MAPKAPK2: variants seen among roughly 807,000 people sequenced by gnomAD.
MAPKAPK2 encodes the protein MAP kinase-activated protein kinase 2.
Under a neutral mutation model 48.8 loss-of-function variants are expected in MAPKAPK2, and 9 were observed. The ratio of observed to expected loss-of-function variants is 0.18; its 90% CI spans 0.11 to 0.32. The LOEUF is 0.32. Ranked by LOEUF, MAPKAPK2 falls within the 10% of genes least tolerant of loss-of-function variation. The probability of loss-of-function intolerance (pLI) is 1.00; values close to 1 mark genes in which losing one functional copy is unlikely to be tolerated. For missense variants in MAPKAPK2, 331 were observed against 498.3 expected, an observed-to-expected ratio of 0.66 and a Z score of 3.20; for synonymous variants, 202 against 190.6, an observed-to-expected ratio of 1.06 and a Z score of -0.49.
In MAPKAPK2 at chr1:206,732,584, A is replaced by G; in HGVS notation, c.1069A>G (p.Thr357Ala). The G allele has an allele frequency of 6.2e-7, 1 of 1,613,880 alleles. No homozygotes were observed. The highest frequency in any genetic ancestry group is 1.1e-5 in the South Asian group (1 of 91,064). ...GCTGCCGTGCCCCCAGGAGGAGATGACCAGTGCCTTGGCCACAATGCGCGT... is the reference window on the plus strand; with the variant it reads ...GCTGCCGTGCCCCCAGGAGGAGATGGCCAGTGCCTTGGCCACAATGCGCGT... The part of the protein sequence containing the change: ...ERWEDVKEEM[T>A]SALATMRVDY... The change falls in exon 10 of 10, where the codon ACC (threonine) becomes GCC (alanine). Residue 357 changes from threonine (T) to alanine (A), a missense_variant. Physicochemically the swap from Thr to Ala is moderately conservative, Grantham distance 58 (BLOSUM62 0). This residue lies in a region of MAPKAPK2 where 124 missense variants were observed against 194.6 expected (regional missense o/e 0.64). Transcript: ENST00000367103. The surrounding 1 kb of genome is among the most constrained non-coding windows in gnomAD (Gnocchi z 4.4).
chr1:206,691,639 C>T (rs1192923556), intron 1 of MAPKAPK2, among the ~76,000 whole-genome samples: 1 of 151,828 alleles, frequency 6.6e-6, no homozygotes, highest in Non-Finnish European at 1.5e-5. Flanking sequence ...AGTTACATGA[C>T]CTTGAATAGG....
intron 1 of MAPKAPK2, among the ~76,000 whole-genome samples, chr1:206,703,654 T>C (rs1468215306): frequency 3.3e-5 from 5 of 152,218 alleles, no homozygotes; most frequent in Non-Finnish European, 7.3e-5. Flanking sequence ...TATTCAGCGA[T>C]AGAGACTTTT....
At chr1:206,701,830 C>CA (rs1553427942) in intron 1 of MAPKAPK2, among the ~76,000 whole-genome samples, 13,656 of 79,286 alleles carry the variant, frequency 0.17, 909 homozygotes, top group East Asian at 0.37. Context: ...GACCCTGTCT[C>CA]TAAAAAAAAA....
intron 1 of MAPKAPK2, chr1:206,696,357 A>C: frequency 1.4e-6 from 1 of 692,764 alleles, no homozygotes; most frequent in Non-Finnish European, 2.6e-6. Flanking sequence ...GAAAACCTAC[A>C]TCTTCATTAT....
At chr1:206,713,311 G>T (rs1017455753) in intron 1 of MAPKAPK2, among the ~76,000 whole-genome samples, 2 of 152,192 alleles carry the variant, frequency 1.3e-5, no homozygotes, top group South Asian at 2.1e-4. Context: ...GGTTCTTACA[G>T]ACGTGAAGTC....
At position 206,729,557 on chromosome 1, in the gene MAPKAPK2, G is replaced by T. The variant is rs1673830343; in HGVS notation, c.564+82G>T. ...TGGCCACCCCAGAGATGGTTGCCAG[G>T]CCACCCTGCGTCCTTGCTGCCTGGT... On this transcript the variant is annotated intron_variant, in intron 4 of 9. Coordinates refer to ENST00000367103, the MANE Select transcript of MAPKAPK2 (RefSeq NM_032960.4). 5 of 1,178,036 alleles carry T rather than the reference G, an allele frequency of 4.2e-6. No individual in the cohort carries two copies. The Admixed American group carries it at 7.0e-5, about 16-fold the overall frequency. 73.0% of individuals were successfully genotyped at this position (1,178,036 alleles called of 1,614,324 possible).
rs1472121652 is a variant in MAPKAPK2, at chr1:206,728,641, A to T, written c.280-69A>T. The T allele has an allele frequency of 2.6e-6, 4 of 1,545,780 alleles. No individual in the cohort carries two copies. The African/African-American group carries it at 4.1e-5, about 16-fold the overall frequency. ...GGTATGTCGGTGGCGATGTCAGGGC[A>T]TGTGGGCCAGGGGCTTAGAGCAGGC... On this transcript the variant is annotated intron_variant, in intron 1 of 9. Transcript: ENST00000367103.
intron 3 of MAPKAPK2, 57 bp from the exon 4 acceptor site, chr1:206,729,339 C>A: frequency 1.4e-6 from 2 of 1,446,048 alleles, no homozygotes; most frequent in Non-Finnish European, 1.9e-6. Flanking sequence ...GGTTTTCAAG[C>A]CTAATGATGT....
At position 206,729,485 on chromosome 1, in the gene MAPKAPK2, G is replaced by C. The variant is rs781913198; in HGVS notation, c.564+10G>C. On this transcript the variant is annotated intron_variant, in intron 4 of 9. Coordinates refer to ENST00000367103, the MANE Select transcript of MAPKAPK2 (RefSeq NM_032960.4). The stretch of plus-strand genomic sequence containing the variant: ...CCATCGGGATGTCAAGGTGCCAGCT[G>C]TTCATAACCCTGAGCCCGAGTGCTG... The C allele has an allele frequency of 1.9e-6, 3 of 1,612,620 alleles. No homozygotes were observed. Among genetic ancestry groups the C allele is most frequent in the Non-Finnish European group, 2.5e-6 (3 of 1,178,628 alleles).
intron 1 of MAPKAPK2, among the ~76,000 whole-genome samples, chr1:206,712,175 A>G (rs1361121196): frequency 2.0e-5 from 3 of 152,208 alleles, no homozygotes; most frequent in African/African-American, 7.2e-5. Flanking sequence ...CCTTGTTCTT[A>G]GAAGCAGCTT....
chr1:206,723,333 C>T (rs781946157), intron 1 of MAPKAPK2, among the ~76,000 whole-genome samples: 3 of 152,156 alleles, frequency 2.0e-5, no homozygotes, highest in African/African-American at 4.8e-5. Context: ...ATAGCAAACA[C>T]GGATGCAGTA....
Position 206,726,331 on chromosome 1 carries a change from G to A in MAPKAPK2, c.280-2379G>A, listed in dbSNP as rs1342791225. ...GAACCCGGGAGGCGGAGGTTACAGT[G>A]AGCCAAGATTGTGCCACTGCACTCC... On this transcript the variant is annotated intron_variant, in intron 1 of 9. Coordinates refer to ENST00000367103, the MANE Select transcript of MAPKAPK2 (RefSeq NM_032960.4). Among the ~76,000 whole-genome samples the A allele has an allele frequency of 5.3e-5, 8 of 152,362 alleles. No individual in the cohort carries two copies. The East Asian group carries it at 9.6e-4, about 18-fold the overall frequency.
intron 1 of MAPKAPK2, among the ~76,000 whole-genome samples, chr1:206,707,550 C>T (rs1673002555): frequency 6.6e-6 from 1 of 152,084 alleles, no homozygotes; most frequent in Non-Finnish European, 1.5e-5. Flanking sequence ...CATGGTCTGC[C>T]CTGGGCCCTG....
chr1:206,731,543 C>A lies in MAPKAPK2; in HGVS notation c.893-97C>A. 1 of 1,191,850 alleles carries A rather than the reference C, an allele frequency of 8.4e-7. No individual in the cohort carries two copies. Among genetic ancestry groups the A allele is most frequent in the Non-Finnish European group, 1.3e-6 (1 of 799,444 alleles). The allele number at this position is 1,191,850 out of a possible 1,614,324, so 73.8% of individuals were successfully genotyped here. ...CTCCGGCAGCCTGCCTCCATGCACC[C>A]CCTCTTTGAACCTGGTTTCCCCATG... is the stretch of plus-strand genomic sequence containing the variant. On this transcript the variant is annotated intron_variant, in intron 7 of 9. Coordinates refer to ENST00000367103, the MANE Select transcript of MAPKAPK2 (RefSeq NM_032960.4). This position sits in a 1 kb window ranked among gnomAD's most constrained non-coding sequence, Gnocchi z 5.9.
In MAPKAPK2 at chr1:206,732,705, C is replaced by G. The variant is rs782652551; in HGVS notation, c.1190C>G (p.Ala397Gly). The G allele has an allele frequency of 4.3e-6, 7 of 1,614,052 alleles. No homozygotes were observed. In the Admixed American group the frequency reaches 1.2e-4, roughly 27 times the overall value. The change falls in exon 10 of 10, where the codon GCT (alanine) becomes GGT (glycine). Residue 397 changes from alanine to glycine, a missense_variant. Coordinates refer to ENST00000367103, the MANE Select transcript of MAPKAPK2 (RefSeq NM_032960.4). This position sits in a 1 kb window ranked among gnomAD's most constrained non-coding sequence, Gnocchi z 4.4. ...AAAGCTCGGGCCCTGGAGGCTGCGGCTCTGGCCCACTGAGCCACCGCGCCC... is the reference window on the plus strand; with the variant it reads ...AAAGCTCGGGCCCTGGAGGCTGCGGGTCTGGCCCACTGAGCCACCGCGCCC... ...RKKARALEAA[A>G]LAH
chr1:206,725,113 G>A (rs1322747026), intron 1 of MAPKAPK2, among the ~76,000 whole-genome samples: 3 of 152,228 alleles, frequency 2.0e-5, no homozygotes, highest in Non-Finnish European at 2.9e-5. Context: ...CCTCTAATGG[G>A]TAGAGAGTTT....
At chr1:206,720,300 C>G (rs1240167781) in intron 1 of MAPKAPK2, among the ~76,000 whole-genome samples, 1 of 152,206 alleles carries the variant, frequency 6.6e-6, no homozygotes, top group Non-Finnish European at 1.5e-5. Flanking sequence ...GTGATTCTGT[C>G]TTTCAGAGAT....
chr1:206,685,424 C>T lies in MAPKAPK2; in HGVS notation c.195C>T (p.Val65=), dbSNP rs782098966. ...KKNAIIDDYK[V]TSQVLGLGIN... ...ACGCCATCATCGATGACTACAAGGT[C>T]ACCAGCCAGGTCCTGGGGCTGGGCA... The change falls in exon 1 of 10, where the codon GTC becomes GTT. Residue 65 remains valine, a synonymous_variant. Coordinates refer to ENST00000367103, the MANE Select transcript of MAPKAPK2 (RefSeq NM_032960.4). 1 of 1,546,170 alleles carries T rather than the reference C, an allele frequency of 6.5e-7. No individual in the cohort carries two copies. Among genetic ancestry groups the T allele is most frequent in the Admixed American group, 1.8e-5 (1 of 55,174 alleles).
intron 1 of MAPKAPK2, among the ~76,000 whole-genome samples, chr1:206,715,233 A>G (rs1673290555): frequency 6.6e-6 from 1 of 152,220 alleles, no homozygotes; most frequent in African/African-American, 2.4e-5. Context: ...TTTGTGTGTT[A>G]GAGTCTCTGT....
Sources: gnomAD v4.1 joint callset for allele counts (sites outside exome capture counted in the v4.1 genomes callset) on GRCh38, gnomAD v4.1.1 for gene constraint, gnomAD v4.1.1 regional missense constraint, Gnocchi (gnomAD v3.1) non-coding constraint, MANE v1.5 for transcripts, NCBI Gene and HGNC (gene_info 2026-07-23, HGNC 2026-07-21) for gene names.